Variants in ERBB4 observed in about 807,000 individuals in gnomAD.
The protein encoded by ERBB4 is erb-b2 receptor tyrosine kinase 4.
ERBB4 carries 42 observed loss-of-function variants against 158.0 expected under a neutral mutation model. The observed-to-expected ratio is 0.27, with a 90% CI of 0.21 to 0.34. The LOEUF is 0.34. ERBB4 is among the 10% of genes least tolerant of loss of function. The pLI is 1.00. For synonymous variants in ERBB4, 583 were observed against 558.7 expected (o/e 1.04, Z -0.61); for missense variants, 1,333 against 1,624.1 (o/e 0.82, Z 3.08).
At chr2:212,205,804 G>C (rs1288181364) in intron 1 of ERBB4, among the ~76,000 whole-genome samples, 1 of 152,096 alleles carries the variant, frequency 6.6e-6, no homozygotes, top group Non-Finnish European at 1.5e-5. Context: ...TGGGCATAAA[G>C]AATCATGTTT....
At chr2:211,791,783 A>C (rs949331877) in intron 3 of ERBB4, among the ~76,000 whole-genome samples, 9 of 151,994 alleles carry the variant, frequency 5.9e-5, no homozygotes, top group Middle Eastern at 3.4e-3. Context: ...TCGATGAAAA[A>C]AGTATCATTT....
chr2:211,548,264 G>A (rs1049890309), intron 20 of ERBB4, among the ~76,000 whole-genome samples: 14 of 151,566 alleles, frequency 9.2e-5, no homozygotes, highest in East Asian at 3.9e-4. Flanking sequence ...CTTTATCACC[G>A]ATTTGGGAGG....
intron 19 of ERBB4, among the ~76,000 whole-genome samples, chr2:211,566,753 A>G (rs1031889670): frequency 2.6e-5 from 4 of 152,210 alleles, no homozygotes; most frequent in African/African-American, 9.6e-5. Flanking sequence ...TAATTTAATT[A>G]TATATTTAAT....
intron 1 of ERBB4, among the ~76,000 whole-genome samples, chr2:212,440,484 T>C (rs886997303): frequency 6.6e-6 from 1 of 152,192 alleles, no homozygotes; most frequent in Non-Finnish European, 1.5e-5. Flanking sequence ...TTGTGTAAGT[T>C]AATACTTAAT....
intron 20 of ERBB4, among the ~76,000 whole-genome samples, chr2:211,546,080 C>T (rs964259636): frequency 6.6e-6 from 1 of 151,996 alleles, no homozygotes; most frequent in Non-Finnish European, 1.5e-5. Flanking sequence ...CCAAAAAGCT[C>T]TTTTTAATCA....
intron 20 of ERBB4, among the ~76,000 whole-genome samples, chr2:211,489,545 GTTCA>G (rs1386374244): frequency 1.3e-5 from 2 of 151,774 alleles, no homozygotes. Flanking sequence ...TAATAGCTAT[GTTCA>G]TTTTCTGTTT....
intron 2 of ERBB4, among the ~76,000 whole-genome samples, chr2:212,060,478 A>G (rs1461290110): frequency 1.3e-5 from 2 of 151,136 alleles, no homozygotes; most frequent in African/African-American, 2.4e-5. Context: ...CCAAAGGATT[A>G]TAAATCATGC....
At chr2:212,278,114 T>A (rs569357209) in intron 1 of ERBB4, among the ~76,000 whole-genome samples, 1 of 151,848 alleles carries the variant, frequency 6.6e-6, no homozygotes, top group Non-Finnish European at 1.5e-5. Context: ...ACATAAACAG[T>A]TTTGTACTTG....
chr2:211,891,778 C>T lies in ERBB4; in HGVS notation c.421+55652G>A, dbSNP rs1301175464. On this transcript the variant is annotated intron_variant, in intron 3 of 27. Coordinates refer to ENST00000342788, the MANE Select transcript of ERBB4 (RefSeq NM_005235.3). ...CTACCATCAGAGAATACTACAAACACCTCTACACAAATAAACTAGAAAATC... is the reference window on the plus strand; with the variant it reads ...CTACCATCAGAGAATACTACAAACATCTCTACACAAATAAACTAGAAAATC... 3.6e-5 allele frequency among the ~76,000 whole-genome samples: 5 copies of T among 139,000 alleles called. 1 individual carries two copies. The highest frequency in any genetic ancestry group is 6.2e-5 in the Non-Finnish European group (4 of 64,550). 91.2% of individuals were successfully genotyped at this position (139,000 alleles called of 152,430 possible).
intron 2 of ERBB4, among the ~76,000 whole-genome samples, chr2:212,115,694 A>C (rs1270324921): frequency 6.6e-6 from 1 of 152,094 alleles, no homozygotes; most frequent in East Asian, 1.9e-4. Flanking sequence ...TTTTTTGTAG[A>C]AACAGGGTCT....
At chr2:212,003,247 AGG>A (rs1491133731) in intron 2 of ERBB4, among the ~76,000 whole-genome samples, 1,493 of 119,956 alleles carry the variant, frequency 0.012, 119 homozygotes, top group South Asian at 0.02. Flanking sequence ...GAAGGAAGGA[AGG>A]AAGGAAGGAA....
At chr2:211,680,400 TG>T (rs1478320915) in intron 12 of ERBB4, among the ~76,000 whole-genome samples, 1 of 152,202 alleles carries the variant, frequency 6.6e-6, no homozygotes, top group Non-Finnish European at 1.5e-5. Context: ...CAACTTCATG[TG>T]GTTTTCATGA....
At chr2:211,689,627 G>A (rs2072716002) in intron 12 of ERBB4, among the ~76,000 whole-genome samples, 1 of 151,984 alleles carries the variant, frequency 6.6e-6, no homozygotes, top group Non-Finnish European at 1.5e-5. Context: ...AATATAAATG[G>A]GTGGTCGAAT....
At chr2:212,254,493 C>G (rs1396802572) in intron 1 of ERBB4, among the ~76,000 whole-genome samples, 1 of 152,154 alleles carries the variant, frequency 6.6e-6, no homozygotes, top group Non-Finnish European at 1.5e-5. Flanking sequence ...CTCCCACTTG[C>G]CAGGTTAGAC....
intron 3 of ERBB4, among the ~76,000 whole-genome samples, chr2:211,790,039 T>C (rs1057351540): frequency 6.6e-6 from 1 of 151,988 alleles, no homozygotes; most frequent in African/African-American, 2.4e-5. Flanking sequence ...TAAAACCCAG[T>C]TCATTATTTT....
intron 1 of ERBB4, among the ~76,000 whole-genome samples, chr2:212,190,182 A>G (rs1257828314): frequency 6.6e-6 from 1 of 152,228 alleles, no homozygotes. Flanking sequence ...ATACTGAGTC[A>G]GCATTATCAC....
rs1019869102 is a variant in ERBB4 at position 211,770,844 on chromosome 2, G to A, written c.556+17181C>T. On this transcript the variant is annotated intron_variant, in intron 4 of 27. Transcript: ENST00000342788. ...TGCCTGTGATATACCAGGCCCAGGAGGTCACAGGCATTTAAAGCACTGTGA... is the reference window on the plus strand; with the variant it reads ...TGCCTGTGATATACCAGGCCCAGGAAGTCACAGGCATTTAAAGCACTGTGA... Among the ~76,000 whole-genome samples, 14 of 152,212 alleles carry A rather than the reference G, an allele frequency of 9.2e-5. No homozygotes were observed. The South Asian group carries it at 2.9e-3, about 32-fold the overall frequency.
intron 19 of ERBB4, among the ~76,000 whole-genome samples, chr2:211,573,465 T>A (rs1001482506): frequency 6.6e-6 from 1 of 152,196 alleles, no homozygotes; most frequent in Non-Finnish European, 1.5e-5. Context: ...GGTCAGGAGA[T>A]CGAGACCATC....
Position 211,704,096 on chromosome 2 carries a change from C to A in ERBB4, c.1289+8G>T. ...GTGAGCCCTGCAGCTTTAAACATAT[C>A]CACTTACCTATAGAGTACTCTTCCA... On this transcript the variant is annotated splice_region_variant and intron_variant, in intron 11 of 27. Coordinates refer to ENST00000342788, the MANE Select transcript of ERBB4 (RefSeq NM_005235.3). 6 of 1,527,048 alleles carry A rather than the reference C, an allele frequency of 3.9e-6. 1 individual carries two copies. The highest frequency in any genetic ancestry group is 1.7e-4 in the Middle Eastern group (1 of 5,920). 94.6% of individuals were successfully genotyped at this position (1,527,048 alleles called of 1,614,324 possible). A position where few individuals can be genotyped will look rare whatever the true frequency, so the allele number is the denominator to read the frequency against.
Sources: allele counts gnomAD v4.1 joint callset (sites outside exome capture counted in the v4.1 genomes callset), GRCh38; gene constraint gnomAD v4.1.1; transcripts MANE v1.5; gene names NCBI Gene and HGNC (gene_info 2026-07-23, HGNC 2026-07-21).